ANKS1B: variants seen among roughly 807,000 people sequenced by gnomAD.
The protein encoded by ANKS1B is ankyrin repeat and sterile alpha motif domain containing 1B, also known as ankyrin repeat and sterile alpha motif domain-containing protein 1B.
Under a neutral mutation model 148.3 loss-of-function variants are expected in ANKS1B, and 36 were observed. The observed-to-expected ratio is 0.24, with a 90% CI of 0.19 to 0.32. The LOEUF (loss-of-function observed/expected upper bound fraction) is 0.32, where lower values mean the gene tolerates loss of function less well. Among genes scored for constraint, ANKS1B ranks in the 10% least tolerant of loss-of-function variants. The pLI is 1.00. For missense variants in ANKS1B, 1,157 were observed against 1,542.6 expected (o/e 0.75, Z 4.19); for synonymous variants, 542 against 560.8 (o/e 0.97, Z 0.47).
chr12:99,087,675 G>A (rs770543462), intron 15 of ANKS1B, among the ~76,000 whole-genome samples: 49 of 152,074 alleles, frequency 3.2e-4, no homozygotes, highest in East Asian at 7.7e-4. Context: ...AAAATCTTTC[G>A]TCATCTTTGT....
At chr12:99,934,868 G>A (rs2094718779) in intron 1 of ANKS1B, among the ~76,000 whole-genome samples, 1 of 152,078 alleles carries the variant, frequency 6.6e-6, no homozygotes, top group African/African-American at 2.4e-5. Context: ...GTACATAAAT[G>A]CTTGTCTAAG....
At chr12:99,383,259 G>A (rs1026675256) in intron 12 of ANKS1B, among the ~76,000 whole-genome samples, 1 of 152,174 alleles carries the variant, frequency 6.6e-6, no homozygotes, top group African/African-American at 2.4e-5. Flanking sequence ...TGAAAAAAAG[G>A]TAATTGCCCC....
At chr12:99,638,803 C>T (rs1472558058) in intron 9 of ANKS1B, among the ~76,000 whole-genome samples, 2 of 152,166 alleles carry the variant, frequency 1.3e-5, no homozygotes, top group Non-Finnish European at 2.9e-5. Context: ...AATACGGTTT[C>T]CTGAGCTGGG....
chr12:99,202,027 A>G (rs546554990), intron 14 of ANKS1B, among the ~76,000 whole-genome samples: 3 of 152,334 alleles, frequency 2.0e-5, no homozygotes, highest in Admixed American at 2.0e-4. Context: ...AAAAATTTTA[A>G]TTACAGCTAC....
chr12:99,506,012 G>A (rs541753927), intron 9 of ANKS1B, among the ~76,000 whole-genome samples: 4 of 152,056 alleles, frequency 2.6e-5, no homozygotes, highest in African/African-American at 9.6e-5. Context: ...TGGCTGACTG[G>A]GAGTTGTGGC....
intron 9 of ANKS1B, among the ~76,000 whole-genome samples, chr12:99,604,524 T>TAA (rs898507503): frequency 2.0e-4 from 31 of 151,950 alleles, no homozygotes; most frequent in African/African-American, 5.8e-4. Context: ...CAATAAAAAA[T>TAA]GTTTAAGAGG....
At chr12:99,358,031 C>T (rs1367611657) in intron 12 of ANKS1B, among the ~76,000 whole-genome samples, 1 of 151,662 alleles carries the variant, frequency 6.6e-6, no homozygotes, top group Non-Finnish European at 1.5e-5. Flanking sequence ...ATTTTCTTTC[C>T]CAATTTTCTA....
At chr12:99,102,628 C>T (rs542985499) in intron 15 of ANKS1B, among the ~76,000 whole-genome samples, 3 of 152,206 alleles carry the variant, frequency 2.0e-5, no homozygotes, top group East Asian at 1.9e-4. Flanking sequence ...CCTGTAGTCC[C>T]GGCTACTCCG....
chr12:99,402,688 T>C (rs1277877179), intron 11 of ANKS1B, among the ~76,000 whole-genome samples: 1 of 146,412 alleles, frequency 6.8e-6, no homozygotes, highest in Non-Finnish European at 1.5e-5. Context: ...CCGTGGTGTA[T>C]ATATACCACA....
chr12:98,814,881 T>C (rs954923961), intron 19 of ANKS1B, among the ~76,000 whole-genome samples: 1 of 152,234 alleles, frequency 6.6e-6, no homozygotes, highest in South Asian at 2.1e-4. Context: ...TAATTTTATC[T>C]TCAGTTCAGA....
Position 98,894,862 on chromosome 12 carries a change from C to G in ANKS1B, c.2779-62726G>C. The G allele has an allele frequency of 5.1e-6, 5 of 979,788 alleles. No individual in the cohort carries two copies. In the South Asian group the frequency reaches 1.9e-4, roughly 37 times the overall value. 60.7% of individuals were successfully genotyped at this position (979,788 alleles called of 1,614,324 possible). On this transcript the variant is annotated intron_variant, in intron 17 of 26. Transcript: ENST00000683438. ...GCTGCGCCGAGCGCCGGGCTCTCCC[C>G]GCGAGCTCCCCGGGCCCGCGCGCGC...
intron 12 of ANKS1B, among the ~76,000 whole-genome samples, chr12:99,328,153 G>C (rs968121938): frequency 6.6e-6 from 1 of 151,916 alleles, no homozygotes; most frequent in African/African-American, 2.4e-5. Context: ...AGGAAATGAA[G>C]GGCCAAAATC....
chr12:99,230,969 A>C (rs1566687080), intron 14 of ANKS1B, among the ~76,000 whole-genome samples: 1 of 152,224 alleles, frequency 6.6e-6, no homozygotes, highest in African/African-American at 2.4e-5. Flanking sequence ...TATTAAAAAT[A>C]GTACTGTAAA....
downstream of ANKS1B, among the ~76,000 whole-genome samples, chr12:98,742,370 A>T (rs932511426): frequency 1.3e-5 from 2 of 151,984 alleles, no homozygotes; most frequent in African/African-American, 4.8e-5. Flanking sequence ...CCCCAAACAA[A>T]CATAGGTCTC....
intron 17 of ANKS1B, among the ~76,000 whole-genome samples, chr12:98,925,075 T>A (rs1321424304): frequency 6.6e-6 from 1 of 152,218 alleles, no homozygotes; most frequent in Non-Finnish European, 1.5e-5. Context: ...AACTGATATT[T>A]TCTTTGTTGA....
intron 8 of ANKS1B, among the ~76,000 whole-genome samples, chr12:99,667,741 A>G (rs535877980): frequency 2.2e-4 from 33 of 152,322 alleles, no homozygotes; most frequent in African/African-American, 7.5e-4. Context: ...AATTATTCCT[A>G]TTCTCAGTTT....
At position 99,984,381 on chromosome 12, in the gene ANKS1B, C is replaced by G. The variant is rs562492111; in HGVS notation, c.-144G>C. On this transcript the variant is annotated 5_prime_UTR_variant, in exon 1 of 27. Coordinates refer to ENST00000683438, the MANE Select transcript of ANKS1B (RefSeq NM_001352186.2). ...CAGCACGGAGAGCTCCCTGCAGCCCCAGGCAGGGAGCACGACTCTCTCCTC... is the reference window on the plus strand; with the variant it reads ...CAGCACGGAGAGCTCCCTGCAGCCCGAGGCAGGGAGCACGACTCTCTCCTC... 17 of 615,250 alleles carry G rather than the reference C, an allele frequency of 2.8e-5. No homozygotes were observed. The East Asian group carries it at 4.5e-4, about 16-fold the overall frequency. The allele number at this position is 615,250 out of a possible 1,614,324, so 38.1% of individuals were successfully genotyped here. A position where few individuals can be genotyped will look rare whatever the true frequency, so the allele number is the denominator to read the frequency against.
chr12:99,467,762 A>G (rs1265714588), intron 10 of ANKS1B, among the ~76,000 whole-genome samples: 1 of 152,236 alleles, frequency 6.6e-6, no homozygotes, highest in East Asian at 1.9e-4. Flanking sequence ...AAGGAGAACT[A>G]CAAACCACTG....
At chr12:99,620,360 C>T (rs1227907862) in intron 9 of ANKS1B, among the ~76,000 whole-genome samples, 1 of 152,158 alleles carries the variant, frequency 6.6e-6, no homozygotes, top group Non-Finnish European at 1.5e-5. Context: ...ATCACACTAG[C>T]TCTCCAGCAA....
Sources: allele counts gnomAD v4.1 joint callset (sites outside exome capture counted in the v4.1 genomes callset), GRCh38; gene constraint gnomAD v4.1.1; transcripts MANE v1.5; gene names NCBI Gene and HGNC (gene_info 2026-07-23, HGNC 2026-07-21).